IFFO2: variants seen among roughly 807,000 people sequenced by gnomAD.
IFFO2 encodes the protein intermediate filament family orphan 2.
IFFO2 carries 19 observed loss-of-function variants against 53.5 expected under a neutral mutation model. The ratio of observed to expected loss-of-function variants is 0.36; its 90% CI spans 0.25 to 0.52. The LOEUF (loss-of-function observed/expected upper bound fraction) is 0.52. Among genes scored for constraint, IFFO2 ranks in the 20% least tolerant of loss-of-function variants. IFFO2 has a pLI of 0.94. For synonymous variants in IFFO2, 303 were observed against 313.6 expected, an observed-to-expected ratio of 0.97 and a Z score of 0.36; for missense variants, 570 against 727.4, an observed-to-expected ratio of 0.78 and a Z score of 2.49.
chr1:18,951,014 G>C (rs1461702747), intron 1 of IFFO2, among the ~76,000 whole-genome samples: 2 of 152,242 alleles, frequency 1.3e-5, no homozygotes, highest in African/African-American at 4.8e-5. Flanking sequence ...GGGGAGGCCA[G>C]CTCTGCACGG....
intron 1 of IFFO2, among the ~76,000 whole-genome samples, chr1:18,940,134 A>G (rs1936501525): frequency 6.6e-6 from 1 of 152,234 alleles, no homozygotes; most frequent in Non-Finnish European, 1.5e-5. Flanking sequence ...ATGCTGGTTC[A>G]GTAGACACCT....
At chr1:18,934,690 T>C (rs1936422379) in intron 1 of IFFO2, among the ~76,000 whole-genome samples, 2 of 152,230 alleles carry the variant, frequency 1.3e-5, no homozygotes, top group Admixed American at 6.5e-5. Context: ...TCTATATCCT[T>C]CCCAACTTTT....
In IFFO2 at chr1:18,918,451, T is replaced by C; in HGVS notation, c.874A>G (p.Met292Val). 3.8e-6 allele frequency: 6 copies of C among 1,562,016 alleles called. No individual in the cohort carries two copies. The highest frequency in any genetic ancestry group is 1.7e-4 in the Middle Eastern group (1 of 6,004). The change falls in exon 4 of 9, where the codon ATG becomes GTG. Residue 292 changes from methionine (M) to valine (V), a missense_variant. By Grantham distance (21) the Met-to-Val change is conservative. Transcript: ENST00000455833. This position sits in a 1 kb window ranked among gnomAD's most constrained non-coding sequence, Gnocchi z 5.2. ...ATATCGATTCGGCGGCAGATGTCCA[T>C]GTCCACCTTCATGGCCTTTTCTTGG... ...KIQEKAMKVD[M>V]DICRRIDITA... is the part of the protein sequence containing the mutation.
chr1:18,913,820 GTTGTTTTT>G (rs1936084069), intron 5 of IFFO2, among the ~76,000 whole-genome samples: 1 of 111,504 alleles, frequency 9.0e-6, no homozygotes, highest in South Asian at 3.7e-4. Context: ...TGTTGTTGTT[GTTGTTTTT>G]TTGTTTGTTT....
rs1936733496 is a variant in IFFO2 at position 18,956,635 on chromosome 1, G to C, written c.-303C>G. ...CCCGGGCTGTCAGAGACGCTGTGGA[G>C]GGGCCGCGGCAGCCGCACGCAGAGG... On this transcript the variant is annotated 5_prime_UTR_variant, in exon 1 of 9. Transcript: ENST00000455833. The surrounding 1 kb of genome is among the most constrained non-coding windows in gnomAD (Gnocchi z 6.4). 6.5e-6 allele frequency: 1 copy of C among 152,820 alleles called. No homozygotes were observed. Among genetic ancestry groups the C allele is most frequent in the South Asian group, 2.1e-4 (1 of 4,848 alleles). 9.5% of individuals were successfully genotyped at this position (152,820 alleles called of 1,614,324 possible).
chr1:18,911,481 GGAAATA>G lies in IFFO2; in HGVS notation c.1225-11_1225-6del. On this transcript the variant is annotated splice_region_variant and splice_polypyrimidine_tract_variant and intron_variant, in intron 6 of 8. Coordinates refer to ENST00000455833, the MANE Select transcript of IFFO2 (RefSeq NM_001136265.2). ...GTTGCCCAAGTTTTCCTCTTGCTGG[GGAAATA>G]GAACAAACGGGACAGTTTATTTTAT... 1 of 1,435,974 alleles carries G rather than the reference GGAAATA, an allele frequency of 7.0e-7. No individual in the cohort carries two copies. The highest frequency in any genetic ancestry group is 9.4e-7 in the Non-Finnish European group (1 of 1,066,058). The allele number at this position is 1,435,974 out of a possible 1,614,324, so 89.0% of individuals were successfully genotyped here.
Position 18,917,004 on chromosome 1 carries a change from A to C in IFFO2, c.1002T>G (p.Asp334Glu), listed in dbSNP as rs1393820089. Residue 334 changes from aspartate to glutamate, a missense_variant, in exon 5 of 9, where the codon GAT becomes GAG. Physicochemically the swap from Asp to Glu is conservative, Grantham distance 45. Coordinates refer to ENST00000455833, the MANE Select transcript of IFFO2 (RefSeq NM_001136265.2). This position sits in a 1 kb window ranked among gnomAD's most constrained non-coding sequence, Gnocchi z 5.9. ...PKKKERKVAS[D>E]DDISEQDGEV... ...CCCCGTCCTGCTCAGAGATGTCATCATCGGAAGCCACCTTACGCTCTTTCT... is the reference window on the plus strand; with the variant it reads ...CCCCGTCCTGCTCAGAGATGTCATCCTCGGAAGCCACCTTACGCTCTTTCT... 1.9e-6 allele frequency: 3 copies of C among 1,552,152 alleles called. No individual in the cohort carries two copies. The highest frequency in any genetic ancestry group is 2.6e-6 in the Non-Finnish European group (3 of 1,147,124).
rs1041229967 is a variant in IFFO2 at position 18,918,083 on chromosome 1, A to G, written c.963+279T>C. ...GAACCAAGCCCTGGAGGGGCAGGAG[A>G]CTGATTTCTGCCACTTCCTTCCGTG... On this transcript the variant is annotated intron_variant, in intron 4 of 8. Coordinates refer to ENST00000455833, the MANE Select transcript of IFFO2 (RefSeq NM_001136265.2). This position sits in a 1 kb window ranked among gnomAD's most constrained non-coding sequence, Gnocchi z 5.2. Among the ~76,000 whole-genome samples, 2 of 152,012 alleles carry G rather than the reference A, an allele frequency of 1.3e-5. No homozygotes were observed. Among genetic ancestry groups the G allele is most frequent in the Non-Finnish European group, 2.9e-5 (2 of 67,990 alleles).
chr1:18,910,331 T>C lies in IFFO2; in HGVS notation c.1448+11A>G. The C allele has an allele frequency of 2.5e-6, 4 of 1,597,528 alleles. No individual in the cohort carries two copies. Among genetic ancestry groups the C allele is most frequent in the South Asian group, 1.1e-5 (1 of 88,560 alleles). ...GCCATAGCTGAATCCCCTGGGAGGA[T>C]GGGCGGGTACCTGTCTGCGGAGCCT... On this transcript the variant is annotated intron_variant, in intron 8 of 8. Coordinates refer to ENST00000455833, the MANE Select transcript of IFFO2 (RefSeq NM_001136265.2).
In IFFO2 at chr1:18,908,278, T is replaced by C; in HGVS notation, c.*283A>G. 1 of 419,936 alleles carries C rather than the reference T, an allele frequency of 2.4e-6. No homozygotes were observed. The allele number at this position is 419,936 out of a possible 1,614,324, so 26.0% of individuals were successfully genotyped here. On this transcript the variant is annotated 3_prime_UTR_variant, in exon 9 of 9. Coordinates refer to ENST00000455833, the MANE Select transcript of IFFO2 (RefSeq NM_001136265.2). Reference sequence around the variant, plus strand: ...CTCAGCTTAAGGGAGAAGGCACAGTTAACACTGCAAAGTCCGCACAGAAGT... The same window carrying C: ...CTCAGCTTAAGGGAGAAGGCACAGTCAACACTGCAAAGTCCGCACAGAAGT...
At chr1:18,927,776 T>G (rs563833631) in intron 1 of IFFO2, among the ~76,000 whole-genome samples, 1 of 152,356 alleles carries the variant, frequency 6.6e-6, no homozygotes, top group East Asian at 1.9e-4. Context: ...CAGAAGCTGA[T>G]GGATTGGGAA....
In IFFO2 at chr1:18,904,679, G is replaced by C. The variant is rs1462761987; in HGVS notation, c.*3882C>G. On this transcript the variant is annotated 3_prime_UTR_variant, in exon 9 of 9. Coordinates refer to ENST00000455833, the MANE Select transcript of IFFO2 (RefSeq NM_001136265.2). ...GAAAATTCCCTTCCAGAGAGAATCTGGCTTTACCTGCACCCACCCAGTCCC... is the reference window on the plus strand; with the variant it reads ...GAAAATTCCCTTCCAGAGAGAATCTCGCTTTACCTGCACCCACCCAGTCCC... 1 of 152,202 alleles carries C rather than the reference G, an allele frequency of 6.6e-6. No individual in the cohort carries two copies. The highest frequency in any genetic ancestry group is 1.9e-4 in the East Asian group (1 of 5,186). 9.4% of individuals were successfully genotyped at this position (152,202 alleles called of 1,614,324 possible). A position where few individuals can be genotyped will look rare whatever the true frequency, so the allele number is the denominator to read the frequency against.
intron 1 of IFFO2, among the ~76,000 whole-genome samples, chr1:18,944,625 G>A (rs929998989): frequency 4.6e-5 from 7 of 152,192 alleles, no homozygotes; most frequent in African/African-American, 1.7e-4. Flanking sequence ...GCCCGCCACA[G>A]GCAGGGCAAT....
intron 1 of IFFO2, among the ~76,000 whole-genome samples, chr1:18,946,103 G>C (rs1936584220): frequency 6.6e-6 from 1 of 152,214 alleles, no homozygotes; most frequent in Admixed American, 6.5e-5. Context: ...GAGCTTCAAG[G>C]AGCTTCAGCC....
rs575351227 is a variant in IFFO2 at position 18,950,886 on chromosome 1, C to T, written c.665+4782G>A. ...AGTCAGAAATAGCTGTGACAAAAGTCCCTCCCATCCCAGAAAGTGGCTTTT... is the reference window on the plus strand; with the variant it reads ...AGTCAGAAATAGCTGTGACAAAAGTTCCTCCCATCCCAGAAAGTGGCTTTT... On this transcript the variant is annotated intron_variant, in intron 1 of 8. Transcript: ENST00000455833. Among the ~76,000 whole-genome samples the T allele has an allele frequency of 5.3e-5, 8 of 152,320 alleles. No homozygotes were observed. The South Asian group carries it at 1.2e-3, about 24-fold the overall frequency.
intron 1 of IFFO2, among the ~76,000 whole-genome samples, chr1:18,943,642 C>T (rs1936548256): frequency 6.6e-6 from 1 of 152,138 alleles, no homozygotes; most frequent in Admixed American, 6.5e-5. Context: ...CCATCCCATC[C>T]CATACAAAAG....
At chr1:18,949,866 G>C (rs765953848) in intron 1 of IFFO2, among the ~76,000 whole-genome samples, 4 of 152,238 alleles carry the variant, frequency 2.6e-5, no homozygotes, top group Admixed American at 6.5e-5. Flanking sequence ...ATCCGGTCTC[G>C]TTTGCCAAGG....
intron 1 of IFFO2, among the ~76,000 whole-genome samples, chr1:18,952,048 G>T (rs1936665837): frequency 6.6e-6 from 1 of 152,216 alleles, no homozygotes; most frequent in Non-Finnish European, 1.5e-5. Flanking sequence ...TAGTGGCAGA[G>T]CTGGACCTAA....
Position 18,917,103 on chromosome 1 carries a change from GT to G in IFFO2, c.964-62del. Reference sequence around the variant, plus strand: ...GGCTCGGCTAGGATGGAAGGTAGGGGTGAACTGGGAAGGGAGCCGGCATCTC... The same window carrying G: ...GGCTCGGCTAGGATGGAAGGTAGGGGGAACTGGGAAGGGAGCCGGCATCTC... On this transcript the variant is annotated intron_variant, in intron 4 of 8. Transcript: ENST00000455833. The surrounding 1 kb of genome is among the most constrained non-coding windows in gnomAD (Gnocchi z 5.9). 1 of 1,526,694 alleles carries G rather than the reference GT, an allele frequency of 6.6e-7. No individual in the cohort carries two copies. The highest frequency in any genetic ancestry group is 8.8e-7 in the Non-Finnish European group (1 of 1,130,338). 94.6% of individuals were successfully genotyped at this position (1,526,694 alleles called of 1,614,324 possible).
Sources: allele counts gnomAD v4.1 joint callset (sites outside exome capture counted in the v4.1 genomes callset), GRCh38; gene constraint gnomAD v4.1.1; non-coding constraint Gnocchi (gnomAD v3.1); transcripts MANE v1.5; gene names NCBI Gene and HGNC (gene_info 2026-07-23, HGNC 2026-07-21).